AP2B1: variants seen among roughly 807,000 people sequenced by gnomAD.
The protein encoded by AP2B1 is AP-2 complex subunit beta.
A neutral mutation model predicts 102.0 loss-of-function variants in AP2B1; 23 were observed. The ratio of observed to expected loss-of-function variants is 0.23; its 90% confidence interval spans 0.16 to 0.32. AP2B1 has a LOEUF of 0.32. Among genes scored for constraint, AP2B1 ranks in the 10% least tolerant of loss-of-function variants. The probability of loss-of-function intolerance (pLI) is 1.00; values close to 1 mark genes in which losing one functional copy is unlikely to be tolerated. For synonymous variants in AP2B1, 381 were observed against 421.2 expected (o/e 0.90, Z 1.17); for missense variants, 541 against 1,157.4 (o/e 0.47, Z 7.73).
rs17670584 is a variant in AP2B1 at position 35,671,885 on chromosome 17, T to C, written c.2163T>C (p.Tyr721=). Residue 721 remains tyrosine, a synonymous_variant, in exon 16 of 22, where the codon TAT becomes TAC. Transcript: ENST00000610402. ...STGIGMAPGG[Y]VAPKAVWLPA... ...GGATAGGCATGGCACCTGGTGGATA[T>C]GTGGCTCCTAAGGCTGTAAGTAAAG... 131,505 of 1,613,902 alleles carry C rather than the reference T, an allele frequency of 0.081. 5,841 individuals carry two copies. The highest frequency in any genetic ancestry group is 0.14 in the Middle Eastern group (873 of 6,062).
chr17:35,677,746 ATC>A (rs1338228387), intron 17 of AP2B1, among the ~76,000 whole-genome samples: 1 of 151,996 alleles, frequency 6.6e-6, no homozygotes, highest in Non-Finnish European at 1.5e-5. Context: ...AGCATAGTAT[ATC>A]TCTCTGTTTA....
Position 35,624,596 on chromosome 17 carries a change from G to C in AP2B1, c.716+9G>C. On this transcript the variant is annotated intron_variant, in intron 6 of 21. Coordinates refer to ENST00000610402, the MANE Select transcript of AP2B1 (RefSeq NM_001030006.2). ...GATCGGGAGGCTCAGAGGTCAGTCT[G>C]TTTTCCTGGCTACTTTCTGGTAGTC... 2 of 1,604,912 alleles carry C rather than the reference G, an allele frequency of 1.2e-6. No individual in the cohort carries two copies. Among genetic ancestry groups the C allele is most frequent in the Non-Finnish European group, 1.7e-6 (2 of 1,174,738 alleles).
At chr17:35,643,746 T>G (rs2074850111) in intron 12 of AP2B1, among the ~76,000 whole-genome samples, 1 of 152,156 alleles carries the variant, frequency 6.6e-6, no homozygotes, top group Non-Finnish European at 1.5e-5. Flanking sequence ...CAGTCTGTAG[T>G]AATAACAGTC....
intron 3 of AP2B1, among the ~76,000 whole-genome samples, chr17:35,599,620 G>A (rs2073409975): frequency 6.6e-6 from 1 of 152,136 alleles, no homozygotes; most frequent in African/African-American, 2.4e-5. Flanking sequence ...ATAAAGTGTG[G>A]AGGCCAGGCG....
At chr17:35,660,208 T>C in intron 14 of AP2B1, 1 of 415,216 alleles carries the variant, frequency 2.4e-6, no homozygotes, top group Non-Finnish European at 3.2e-6. Context: ...CTTGAACTCC[T>C]GGGCTCAAGC....
At chr17:35,609,210 G>A (rs2070457481) in intron 5 of AP2B1, among the ~76,000 whole-genome samples, 1 of 152,094 alleles carries the variant, frequency 6.6e-6, no homozygotes, top group South Asian at 2.1e-4. Context: ...TTTACAGATA[G>A]GATCTTGCTC....
intron 18 of AP2B1, among the ~76,000 whole-genome samples, chr17:35,698,880 C>T (rs2076189210): frequency 6.6e-6 from 1 of 152,338 alleles, no homozygotes; most frequent in South Asian, 2.1e-4. Flanking sequence ...TTCTAATTTA[C>T]TCCTGCCCAA....
rs920321943 is a variant in AP2B1, at chr17:35,725,999, G to A, written c.*2300G>A. ...GGGAGGAATTCTACTTCCCATAAAA[G>A]GACCTCTCCTGAGAGGCAAAACCTG... On this transcript the variant is annotated 3_prime_UTR_variant, in exon 22 of 22. Transcript: ENST00000610402. The A allele has an allele frequency of 7.2e-5, 11 of 152,250 alleles. No homozygotes were observed. The South Asian group carries it at 1.9e-3, about 26-fold the overall frequency. 9.4% of individuals were successfully genotyped at this position (152,250 alleles called of 1,614,324 possible). A position where few individuals can be genotyped will look rare whatever the true frequency, so the allele number is the denominator to read the frequency against.
At chr17:35,601,529 G>A (rs968854357) in intron 3 of AP2B1, among the ~76,000 whole-genome samples, 4 of 152,134 alleles carry the variant, frequency 2.6e-5, no homozygotes, top group Admixed American at 6.5e-5. Flanking sequence ...TTGGCCCCCC[G>A]AAGTGTTGGG....
chr17:35,687,550 C>T (rs1272203751), intron 18 of AP2B1, among the ~76,000 whole-genome samples: 1 of 148,704 alleles, frequency 6.7e-6, no homozygotes, highest in East Asian at 2.0e-4. Flanking sequence ...ATGTTTACAT[C>T]AATTTTTTTT....
At chr17:35,680,025 C>A (rs1265881791) in intron 17 of AP2B1, among the ~76,000 whole-genome samples, 2 of 151,488 alleles carry the variant, frequency 1.3e-5, no homozygotes, top group Non-Finnish European at 2.9e-5. Flanking sequence ...CTCCCGGGTT[C>A]CAAGTAGCTG....
At chr17:35,719,311 A>G (rs1447210451) in intron 21 of AP2B1, among the ~76,000 whole-genome samples, 1 of 152,024 alleles carries the variant, frequency 6.6e-6, no homozygotes, top group Non-Finnish European at 1.5e-5. Context: ...ACATGTATCA[A>G]TTTGATAACT....
intron 11 of AP2B1, among the ~76,000 whole-genome samples, chr17:35,640,712 C>A (rs999750390): frequency 2.0e-5 from 3 of 152,190 alleles, no homozygotes; most frequent in African/African-American, 4.8e-5. Flanking sequence ...GCATGTCTTA[C>A]AAGGTTCAGG....
chr17:35,653,309 A>C (rs2075135133), intron 13 of AP2B1, among the ~76,000 whole-genome samples: 1 of 152,162 alleles, frequency 6.6e-6, no homozygotes, highest in African/African-American at 2.4e-5. Flanking sequence ...TGCAGCTAGT[A>C]ATTAATGGAG....
At chr17:35,714,187 G>A (rs2076505774) in intron 20 of AP2B1, among the ~76,000 whole-genome samples, 1 of 152,154 alleles carries the variant, frequency 6.6e-6, no homozygotes, top group Non-Finnish European at 1.5e-5. Context: ...GCTAGGTAAG[G>A]GTGAATTCTG....
intron 17 of AP2B1, among the ~76,000 whole-genome samples, chr17:35,674,862 T>C (rs1461606681): frequency 1.3e-5 from 2 of 152,230 alleles, no homozygotes; most frequent in Non-Finnish European, 2.9e-5. Context: ...ACTTATTTAC[T>C]ATCTTGGATT....
At chr17:35,696,514 C>T (rs964446188) in intron 18 of AP2B1, among the ~76,000 whole-genome samples, 8 of 150,936 alleles carry the variant, frequency 5.3e-5, no homozygotes, top group African/African-American at 1.9e-4. Flanking sequence ...TTCAGCCTCC[C>T]GAGTAGCTGA....
chr17:35,705,274 C>T (rs2076318291), intron 18 of AP2B1, among the ~76,000 whole-genome samples: 7 of 152,100 alleles, frequency 4.6e-5, no homozygotes, highest in Admixed American at 4.6e-4. Flanking sequence ...GAACTGCTTC[C>T]CCCAATGAAT....
chr17:35,625,769 A>G (rs2074297775), intron 6 of AP2B1, among the ~76,000 whole-genome samples: 1 of 152,068 alleles, frequency 6.6e-6, no homozygotes, highest in Non-Finnish European at 1.5e-5. Context: ...TTTGGGGGTG[A>G]GGGGTTGTAT....
Sources: gnomAD v4.1 joint callset for allele counts (sites outside exome capture counted in the v4.1 genomes callset) on GRCh38, gnomAD v4.1.1 for gene constraint, MANE v1.5 for transcripts, NCBI Gene and HGNC (gene_info 2026-07-23, HGNC 2026-07-21) for gene names.